The following NPAS3 variants were observed in gnomAD, a reference collection of about 807,000 sequenced individuals.
NPAS3 encodes neuronal PAS domain-containing protein 3.
A neutral mutation model predicts 73.1 loss-of-function variants in NPAS3; 14 were observed. That is an observed-to-expected ratio of 0.19 (90% CI 0.13 to 0.30). NPAS3 has a LOEUF of 0.30. NPAS3 is among the 10% of genes least tolerant of loss of function. The pLI, the probability that NPAS3 is intolerant of heterozygous loss-of-function variation, is 1.00. For synonymous variants in NPAS3, 620 were observed against 541.5 expected, an observed-to-expected ratio of 1.14 and a Z score of -2.01; for missense variants, 1,096 against 1,250.0, an observed-to-expected ratio of 0.88 and a Z score of 1.86.
intron 7 of NPAS3, among the ~76,000 whole-genome samples, chr14:33,772,799 T>G (rs1310332892): frequency 6.6e-6 from 1 of 152,138 alleles, no homozygotes; most frequent in Non-Finnish European, 1.5e-5. Flanking sequence ...TCTTCAAATA[T>G]TCATAAAGTA....
chr14:33,222,686 C>T (rs1260748572), intron 3 of NPAS3, among the ~76,000 whole-genome samples: 1 of 152,172 alleles, frequency 6.6e-6, no homozygotes, highest in African/African-American at 2.4e-5. Context: ...GAACCTTGTA[C>T]AATACCTATG....
intron 4 of NPAS3, among the ~76,000 whole-genome samples, chr14:33,558,635 CAT>C (rs994006292): frequency 2.2e-4 from 33 of 151,244 alleles, no homozygotes; most frequent in African/African-American, 6.8e-4. Flanking sequence ...TATATATACA[CAT>C]ATATATATAA....
Position 33,787,079 on chromosome 14 carries a change from A to G in NPAS3, c.1154-6818A>G, listed in dbSNP as rs191971187. On this transcript the variant is annotated intron_variant, in intron 9 of 11. Transcript: ENST00000356141. ...AAAAGAGAAGGTATAGGTCCTAAAA[A>G]AAATACTCTATCCTTAACTATTTTG... Among the ~76,000 whole-genome samples, 114 of 152,296 alleles carry G rather than the reference A, an allele frequency of 7.5e-4. 1 individual carries two copies. The highest frequency in any genetic ancestry group is 6.8e-4 in the Non-Finnish European group (46 of 68,026).
At chr14:33,365,048 T>G (rs537546976) in intron 3 of NPAS3, among the ~76,000 whole-genome samples, 50 of 151,724 alleles carry the variant, frequency 3.3e-4, no homozygotes, top group African/African-American at 1.2e-3. Context: ...TTGAACTTTG[T>G]AATTGGAGTC....
chr14:33,601,362 C>T (rs1298430782), intron 5 of NPAS3, among the ~76,000 whole-genome samples: 1 of 152,230 alleles, frequency 6.6e-6, no homozygotes, highest in Admixed American at 6.5e-5. Flanking sequence ...GAATGCAATT[C>T]TGAACACAGC....
intron 2 of NPAS3, among the ~76,000 whole-genome samples, chr14:33,109,879 T>C (rs1332123612): frequency 7.1e-6 from 1 of 140,144 alleles, no homozygotes. Flanking sequence ...TGCACTTCAC[T>C]GCAAACTCTG....
chr14:33,545,796 T>G (rs1428122498), intron 4 of NPAS3, among the ~76,000 whole-genome samples: 3 of 152,184 alleles, frequency 2.0e-5, no homozygotes, highest in Non-Finnish European at 2.9e-5. Context: ...TGAAGAAAAC[T>G]AGAGGGTGCG....
intron 3 of NPAS3, among the ~76,000 whole-genome samples, chr14:33,318,053 A>C (rs894376508): frequency 1.3e-5 from 2 of 152,076 alleles, no homozygotes; most frequent in Admixed American, 1.3e-4. Context: ...CGTCCTTATA[A>C]CAGCATTATT....
chr14:33,606,071 TTTATTA>T (rs139842568), intron 5 of NPAS3, among the ~76,000 whole-genome samples: 33,984 of 150,978 alleles, frequency 0.23, 4,982 homozygotes, highest in African/African-American at 0.41. Context: ...CTGACTTTCT[TTTATTA>T]TTATTATTAT....
Position 33,800,659 on chromosome 14 carries a change from G to A in NPAS3, c.2352G>A (p.Leu784=). Residue 784 remains leucine (L), a synonymous_variant, in exon 12 of 12, where the codon TTG becomes TTA. Coordinates refer to ENST00000356141, the Ensembl canonical transcript of NPAS3. The surrounding 1 kb of genome is among the most constrained non-coding windows in gnomAD (Gnocchi z 6.5). ...GCGGCCCCAGCGCGTCCAACTCCTT[G>A]CTGTACACTGGGGACCTGGAGGCGC... The A allele has an allele frequency of 6.5e-7, 1 of 1,539,954 alleles. No homozygotes were observed. Among genetic ancestry groups the A allele is most frequent in the African/African-American group, 1.4e-5 (1 of 72,964 alleles).
Position 33,140,116 on chromosome 14 carries a change from A to G in NPAS3, c.141-75066A>G, listed in dbSNP as rs145372144. Among the ~76,000 whole-genome samples, 27 of 151,474 alleles carry G rather than the reference A, an allele frequency of 1.8e-4. No individual in the cohort carries two copies. The East Asian group carries it at 4.9e-3, about 27-fold the overall frequency. Reference sequence around the variant, plus strand: ...GCCTATGATGAAGTGTACTTTCACCACTCCTCTTTGGTGGTGTGGTTCAGT... The same window carrying G: ...GCCTATGATGAAGTGTACTTTCACCGCTCCTCTTTGGTGGTGTGGTTCAGT... On this transcript the variant is annotated intron_variant, in intron 2 of 11. Transcript: ENST00000356141.
intron 2 of NPAS3, among the ~76,000 whole-genome samples, chr14:33,211,302 T>G (rs2047025257): frequency 6.6e-6 from 1 of 152,166 alleles, no homozygotes; most frequent in African/African-American, 2.4e-5. Flanking sequence ...GACATTAGGC[T>G]GGGCGTGGTG....
intron 4 of NPAS3, among the ~76,000 whole-genome samples, chr14:33,403,770 C>T (rs186900518): frequency 5.7e-4 from 86 of 152,048 alleles, no homozygotes; most frequent in African/African-American, 1.7e-3. Flanking sequence ...TTGTGGCCCA[C>T]GGTAATGGTG....
intron 2 of NPAS3, among the ~76,000 whole-genome samples, chr14:33,144,897 A>C (rs1003289090): frequency 6.6e-5 from 10 of 152,086 alleles, no homozygotes; most frequent in Non-Finnish European, 1.5e-4. Flanking sequence ...CCTAGCCTTC[A>C]TGTGATTTTA....
chr14:33,568,637 A>C (rs1231858734), intron 5 of NPAS3, among the ~76,000 whole-genome samples: 1 of 152,194 alleles, frequency 6.6e-6, no homozygotes, highest in Non-Finnish European at 1.5e-5. Flanking sequence ...ATTCATGTGA[A>C]ATCCAAATTT....
At chr14:33,062,363 A>G (rs565198434) in intron 2 of NPAS3, among the ~76,000 whole-genome samples, 37 of 151,542 alleles carry the variant, frequency 2.4e-4, no homozygotes, top group African/African-American at 8.9e-4. Context: ...TTTTTTATTG[A>G]TAAATATCTT....
chr14:33,278,140 C>G (rs910710013), intron 3 of NPAS3, among the ~76,000 whole-genome samples: 1 of 152,024 alleles, frequency 6.6e-6, no homozygotes, highest in Non-Finnish European at 1.5e-5. Context: ...AGCTTTTTGC[C>G]TGAGCTATTG....
intron 4 of NPAS3, among the ~76,000 whole-genome samples, chr14:33,545,360 G>C (rs944924577): frequency 6.6e-6 from 1 of 152,134 alleles, no homozygotes; most frequent in African/African-American, 2.4e-5. Context: ...CCCAAGTCAA[G>C]TAATAGTCAT....
At chr14:33,048,536 C>T (rs1389846880) in intron 1 of NPAS3, among the ~76,000 whole-genome samples, 1 of 152,212 alleles carries the variant, frequency 6.6e-6, no homozygotes, top group East Asian at 1.9e-4. Flanking sequence ...GGGAGGACTC[C>T]CACCAATCCC....
Sources: gnomAD v4.1 joint callset for allele counts (sites outside exome capture counted in the v4.1 genomes callset) on GRCh38, gnomAD v4.1.1 for gene constraint, Gnocchi (gnomAD v3.1) non-coding constraint, MANE v1.5 for transcripts, NCBI Gene and HGNC (gene_info 2026-07-23, HGNC 2026-07-21) for gene names.